NELL2: variants seen among roughly 807,000 people sequenced by gnomAD.
The protein encoded by NELL2 is protein kinase C-binding protein NELL2.
A neutral mutation model predicts 109.6 loss-of-function variants in NELL2; 41 were observed. The ratio of observed to expected loss-of-function variants is 0.37; its 90% CI spans 0.29 to 0.49. NELL2 has a LOEUF of 0.49. Among genes scored for constraint, NELL2 ranks in the 20% least tolerant of loss-of-function variants. The pLI, the probability that NELL2 is intolerant of heterozygous loss-of-function variation, is 0.98. For missense variants in NELL2, 900 were observed against 1,008.3 expected, an observed-to-expected ratio of 0.89 and a Z score of 1.45; for synonymous variants, 355 against 344.7, an observed-to-expected ratio of 1.03 and a Z score of -0.33.
chr12:44,740,180 T>C (rs570918073), intron 9 of NELL2, among the ~76,000 whole-genome samples: 1 of 152,192 alleles, frequency 6.6e-6, no homozygotes, highest in South Asian at 2.1e-4. Context: ...TTCTGGCCAA[T>C]GAGAAATGAA....
chr12:44,556,610 T>A (rs1334453567), intron 15 of NELL2, among the ~76,000 whole-genome samples: 1 of 152,088 alleles, frequency 6.6e-6, no homozygotes, highest in Admixed American at 6.5e-5. Flanking sequence ...GCCTCCTCCA[T>A]GGATGTGAGG....
intron 15 of NELL2, among the ~76,000 whole-genome samples, chr12:44,576,068 C>T (rs1944070239): frequency 6.6e-6 from 1 of 152,098 alleles, no homozygotes; most frequent in South Asian, 2.1e-4. Context: ...CCATCACAGG[C>T]TCTTTGCACA....
intron 1 of NELL2, among the ~76,000 whole-genome samples, chr12:44,884,409 T>C (rs936056181): frequency 6.6e-6 from 1 of 152,062 alleles, no homozygotes; most frequent in African/African-American, 2.4e-5. Flanking sequence ...TCTACATTCC[T>C]CTTTCATAAT....
intron 3 of NELL2, among the ~76,000 whole-genome samples, chr12:44,809,435 C>G (rs975499341): frequency 5.3e-5 from 8 of 151,996 alleles, no homozygotes; most frequent in African/African-American, 1.7e-4. Flanking sequence ...CTTTAATCAG[C>G]CTGAGTGTCT....
In NELL2 at chr12:44,753,216, T is replaced by C. The variant is rs146350251; in HGVS notation, c.994+21531A>G. Among the ~76,000 whole-genome samples, 987 of 152,240 alleles carry C rather than the reference T, an allele frequency of 6.5e-3. 4 individuals are homozygous for C. The highest frequency in any genetic ancestry group is 0.011 in the Non-Finnish European group (747 of 67,994). ...ATGCCCCTACCTTATCCTGATTGTTTTCCTTCATGGTACTTTCAATTTCAC... is the reference window on the plus strand; with the variant it reads ...ATGCCCCTACCTTATCCTGATTGTTCTCCTTCATGGTACTTTCAATTTCAC... On this transcript the variant is annotated intron_variant, in intron 9 of 19. Coordinates refer to ENST00000429094, the MANE Select transcript of NELL2 (RefSeq NM_001145108.2).
chr12:44,581,156 T>C (rs1434966034), intron 15 of NELL2, among the ~76,000 whole-genome samples: 3 of 152,186 alleles, frequency 2.0e-5, no homozygotes, highest in Non-Finnish European at 2.9e-5. Context: ...AACTTTCTAG[T>C]AGTTTTAAAG....
chr12:44,792,022 C>G (rs1244758437), intron 3 of NELL2, among the ~76,000 whole-genome samples: 1 of 151,460 alleles, frequency 6.6e-6, no homozygotes, highest in African/African-American at 2.4e-5. Flanking sequence ...GCCAGGGAGA[C>G]TAGAGAAGAA....
At chr12:44,906,754 A>G (rs1437967510) in intron 1 of NELL2, among the ~76,000 whole-genome samples, 4 of 152,130 alleles carry the variant, frequency 2.6e-5, no homozygotes, top group Admixed American at 6.6e-5. Flanking sequence ...GGACATATTA[A>G]CCTTGGGATG....
rs532628175 is a variant in NELL2 at position 44,683,384 on chromosome 12, C to T, written c.1319-17775G>A. 9.7e-5 allele frequency among the ~76,000 whole-genome samples: 14 copies of T among 144,370 alleles called. No homozygotes were observed. In the East Asian group the frequency reaches 2.3e-3, roughly 24 times the overall value. 94.7% of individuals were successfully genotyped at this position (144,370 alleles called of 152,430 possible). A position where few individuals can be genotyped will look rare whatever the true frequency, so the allele number is the denominator to read the frequency against. On this transcript the variant is annotated intron_variant, in intron 12 of 19. Transcript: ENST00000429094. ...CTGCAAACAGGGACAATTTGACTTC[C>T]TCTTTTCCTGATTGAATACCCTTTA...
At chr12:44,867,901 C>G (rs1945048895) in intron 2 of NELL2, among the ~76,000 whole-genome samples, 1 of 152,070 alleles carries the variant, frequency 6.6e-6, no homozygotes, top group Non-Finnish European at 1.5e-5. Context: ...GGTCCAATCA[C>G]TTGAGGTGAG....
intron 15 of NELL2, among the ~76,000 whole-genome samples, chr12:44,570,046 G>A (rs17094799): frequency 0.063 from 9,576 of 152,178 alleles, 954 homozygotes; most frequent in African/African-American, 0.22. Context: ...TATCTGAGCA[G>A]AAGCATGATT....
intron 13 of NELL2, among the ~76,000 whole-genome samples, chr12:44,658,066 C>A (rs563913036): frequency 2.6e-5 from 4 of 152,178 alleles, no homozygotes; most frequent in African/African-American, 9.7e-5. Flanking sequence ...CTGTCTTCCA[C>A]AATGGTTGAA....
chr12:44,629,230 G>A (rs1337224204), intron 13 of NELL2, among the ~76,000 whole-genome samples: 2 of 152,044 alleles, frequency 1.3e-5, no homozygotes, highest in African/African-American at 4.8e-5. Context: ...CACTATAAAG[G>A]CAAAATATCA....
intron 9 of NELL2, among the ~76,000 whole-genome samples, chr12:44,730,954 C>T (rs1444359455): frequency 6.6e-6 from 1 of 151,966 alleles, no homozygotes; most frequent in Admixed American, 6.6e-5. Context: ...ACAACCAATA[C>T]ACAGAATAAA....
At chr12:44,548,133 CT>C (rs1942876790) in intron 15 of NELL2, among the ~76,000 whole-genome samples, 1 of 152,088 alleles carries the variant, frequency 6.6e-6, no homozygotes, top group Non-Finnish European at 1.5e-5. Context: ...ATTTGCTGAA[CT>C]CTGGTAAAGT....
intron 3 of NELL2, among the ~76,000 whole-genome samples, chr12:44,782,571 T>C (rs1159976487): frequency 6.6e-6 from 1 of 151,682 alleles, no homozygotes; most frequent in Non-Finnish European, 1.5e-5. Context: ...ATTGAAACTA[T>C]TAATCAAAGG....
chr12:44,876,337 G>T (rs1485653073), upstream of NELL2: 16 of 1,193,772 alleles, frequency 1.3e-5, no homozygotes, highest in Non-Finnish European at 1.7e-5. Flanking sequence ...CGGGAGACGC[G>T]CGGAGAGACT....
At chr12:44,532,824 T>C in intron 15 of NELL2, 103 bp from the exon 16 acceptor site, 9 of 1,005,920 alleles carry the variant, frequency 8.9e-6, no homozygotes, top group Non-Finnish European at 1.1e-5. Context: ...AGCAAATCCT[T>C]GAAACTGGGA....
intron 9 of NELL2, among the ~76,000 whole-genome samples, chr12:44,715,312 TG>T (rs1253035996): frequency 1.3e-5 from 2 of 149,258 alleles, no homozygotes; most frequent in African/African-American, 5.0e-5. Flanking sequence ...GAACCTGCCT[TG>T]CTTCCATCAC....
Sources: gnomAD v4.1 joint callset for allele counts (sites outside exome capture counted in the v4.1 genomes callset) on GRCh38, gnomAD v4.1.1 for gene constraint, MANE v1.5 for transcripts, NCBI Gene and HGNC (gene_info 2026-07-23, HGNC 2026-07-21) for gene names.